Variants in PALM2AKAP2 observed in about 807,000 individuals in gnomAD.
PALM2AKAP2 encodes PALM2-AKAP2 fusion protein.
In PALM2AKAP2, 37 loss-of-function variants were observed where a neutral mutation model predicts 71.5. The ratio of observed to expected loss-of-function variants is 0.52; its 90% CI spans 0.40 to 0.68. The LOEUF (loss-of-function observed/expected upper bound fraction) is 0.68, where lower values mean the gene tolerates loss of function less well. Ranked by LOEUF, PALM2AKAP2 falls within the 30% of genes least tolerant of loss-of-function variation. The pLI is 0.00. For missense variants in PALM2AKAP2, 1,224 were observed against 1,191.8 expected, an observed-to-expected ratio of 1.03 and a Z score of -0.40; for synonymous variants, 468 against 478.8, an observed-to-expected ratio of 0.98 and a Z score of 0.29.
chr9:109,923,078 C>T (rs889379293), intron 3 of PALM2AKAP2, among the ~76,000 whole-genome samples: 1 of 152,182 alleles, frequency 6.6e-6, no homozygotes, highest in Non-Finnish European at 1.5e-5. Context: ...ATCATAGCTG[C>T]AGCTGCTATT....
At position 109,943,117 on chromosome 9, in the gene PALM2AKAP2, G is replaced by A. The variant is rs749452995; in HGVS notation, c.496+11089G>A. The A allele has an allele frequency of 3.3e-5, 54 of 1,614,126 alleles. No homozygotes were observed. In the East Asian group the frequency reaches 3.6e-4, roughly 11 times the overall value. On this transcript the variant is annotated intron_variant, in intron 6 of 9. Transcript: ENST00000302798. ...GCCGGAGGCAAACTTGGATCAGCCC[G>A]TCACCATGATTTTTATGGGCTACCA...
chr9:110,009,612 G>A (rs1205836066), intron 6 of PALM2AKAP2, among the ~76,000 whole-genome samples: 1 of 151,610 alleles, frequency 6.6e-6, no homozygotes, highest in African/African-American at 2.4e-5. Flanking sequence ...TACCCCAGAG[G>A]CTGAGGCAGG....
At chr9:109,690,043 A>G (rs1827859959) in intron 1 of PALM2AKAP2, among the ~76,000 whole-genome samples, 1 of 151,908 alleles carries the variant, frequency 6.6e-6, no homozygotes, top group African/African-American at 2.4e-5. Context: ...ATCAGGACTA[A>G]CCCCTAAACC....
intron 1 of PALM2AKAP2, among the ~76,000 whole-genome samples, chr9:110,067,565 T>C (rs1834108991): frequency 1.3e-5 from 2 of 152,192 alleles, no homozygotes; most frequent in South Asian, 4.1e-4. Context: ...TTGTGCACAG[T>C]CCTCTTAAAA....
intron 1 of PALM2AKAP2, among the ~76,000 whole-genome samples, chr9:109,822,234 T>G (rs1169557958): frequency 1.3e-5 from 2 of 152,064 alleles, no homozygotes; most frequent in African/African-American, 2.4e-5. Flanking sequence ...TTTTTTTCTC[T>G]CTTTCATCTC....
intron 1 of PALM2AKAP2, among the ~76,000 whole-genome samples, chr9:109,736,310 T>C (rs1440022477): frequency 6.6e-6 from 1 of 152,168 alleles, no homozygotes; most frequent in African/African-American, 2.4e-5. Context: ...ACAATGAACA[T>C]GAGAGAAATT....
At chr9:109,893,442 C>CGTTTCGTTTT (rs113165288) in intron 3 of PALM2AKAP2, among the ~76,000 whole-genome samples, 8,796 of 151,342 alleles carry the variant, frequency 0.058, 373 homozygotes, top group Admixed American at 0.12. Context: ...GCAGGGGTTT[C>CGTTTCGTTTT]GTTTTGTTTT....
intron 1 of PALM2AKAP2, among the ~76,000 whole-genome samples, chr9:109,730,026 T>C (rs1206832653): frequency 5.9e-5 from 9 of 152,228 alleles, no homozygotes; most frequent in Non-Finnish European, 7.3e-5. Flanking sequence ...ACAAATGTGC[T>C]AAAGTGGTGA....
intron 3 of PALM2AKAP2, among the ~76,000 whole-genome samples, chr9:110,167,015 C>G (rs1297961098): frequency 6.6e-6 from 1 of 152,156 alleles, no homozygotes; most frequent in Non-Finnish European, 1.5e-5. Flanking sequence ...GAAGGAAGAT[C>G]AAAGGCACGT....
At chr9:109,882,535 A>G (rs1365875188) in intron 3 of PALM2AKAP2, among the ~76,000 whole-genome samples, 1 of 152,256 alleles carries the variant, frequency 6.6e-6, no homozygotes, top group Non-Finnish European at 1.5e-5. Flanking sequence ...CATTTATATC[A>G]TATACATATA....
chr9:109,724,237 G>C (rs886165089), intron 1 of PALM2AKAP2, among the ~76,000 whole-genome samples: 3 of 152,066 alleles, frequency 2.0e-5, no homozygotes, highest in African/African-American at 7.2e-5. Flanking sequence ...ATAAAAAGAA[G>C]AAGACTTGAC....
chr9:109,921,980 A>G (rs1830841303), intron 3 of PALM2AKAP2, among the ~76,000 whole-genome samples: 1 of 152,170 alleles, frequency 6.6e-6, no homozygotes, highest in African/African-American at 2.4e-5. Context: ...CAGGAAGGAA[A>G]CAGAAAGGCC....
At chr9:110,132,701 C>T (rs1221892036) in intron 1 of PALM2AKAP2, among the ~76,000 whole-genome samples, 1 of 151,978 alleles carries the variant, frequency 6.6e-6, no homozygotes, top group Non-Finnish European at 1.5e-5. Context: ...CAGCAACCTC[C>T]GCTCTCCAGG....
exon 4 of PALM2AKAP2, chr9:110,170,556 C>T (rs916989925): frequency 6.6e-5 from 10 of 152,184 alleles, no homozygotes; most frequent in Admixed American, 6.5e-4. Flanking sequence ...CTACAGATGG[C>T]AGCCCAAATA....
Position 109,998,653 on chromosome 9 carries a change from G to C in PALM2AKAP2, c.497-17301G>C, listed in dbSNP as rs577919957. ...GGGGAGTGGGGAGCCTGTAGTCTCA[G>C]CTACTCAGGAGACTAAGGTGGGAGG... On this transcript the variant is annotated intron_variant, in intron 6 of 9. Coordinates refer to the PALM2AKAP2 transcript ENST00000302798. 8.6e-5 allele frequency among the ~76,000 whole-genome samples: 13 copies of C among 151,288 alleles called. No individual in the cohort carries two copies. In the South Asian group the frequency reaches 1.3e-3, roughly 15 times the overall value.
chr9:110,035,494 C>CAT (rs762566651), intron 7 of PALM2AKAP2, among the ~76,000 whole-genome samples: 1 of 138,492 alleles, frequency 7.2e-6, no homozygotes, highest in Admixed American at 7.3e-5. Context: ...TTATATATAA[C>CAT]ATATATATGA....
At chr9:110,102,994 G>A (rs1484005859) in intron 1 of PALM2AKAP2, among the ~76,000 whole-genome samples, 1 of 151,988 alleles carries the variant, frequency 6.6e-6, no homozygotes, top group African/African-American at 2.4e-5. Flanking sequence ...CCATCTCAGG[G>A]TTTCTGCATG....
At chr9:109,808,910 G>A (rs1827650455) in intron 1 of PALM2AKAP2, among the ~76,000 whole-genome samples, 3 of 152,386 alleles carry the variant, frequency 2.0e-5, no homozygotes, top group Middle Eastern at 6.8e-3. Context: ...TTCAGAGGGT[G>A]CAAGCCCCAA....
chr9:109,917,484 C>CTTT lies in PALM2AKAP2; in HGVS notation c.258-6231_258-6229dup, dbSNP rs59106508. Among the ~76,000 whole-genome samples, 538 of 111,394 alleles carry CTTT rather than the reference C, an allele frequency of 4.8e-3. 10 individuals are homozygous for CTTT. The highest frequency in any genetic ancestry group is 7.4e-3 in the East Asian group (27 of 3,670). 73.1% of individuals were successfully genotyped at this position (111,394 alleles called of 152,430 possible). A position where few individuals can be genotyped will look rare whatever the true frequency, so the allele number is the denominator to read the frequency against. On this transcript the variant is annotated intron_variant, in intron 3 of 9. Coordinates refer to the PALM2AKAP2 transcript ENST00000302798. ...TGTCACTTAAGCCAACGCTCCTTTC[C>CTTT]TTTTTTTTTTTTTTTTTTTTTTGAG...
Sources: gnomAD v4.1 joint callset for allele counts (sites outside exome capture counted in the v4.1 genomes callset) on GRCh38, gnomAD v4.1.1 for gene constraint, MANE v1.5 for transcripts, NCBI Gene and HGNC (gene_info 2026-07-23, HGNC 2026-07-21) for gene names.